SLC2A1: variants seen among roughly 807,000 people sequenced by gnomAD.
The protein encoded by SLC2A1 is solute carrier family 2, facilitated glucose transporter member 1.
SLC2A1 carries 4 observed loss-of-function variants against 46.6 expected under a neutral mutation model. That is an observed-to-expected ratio of 0.09 (90% CI 0.04 to 0.20). The LOEUF (loss-of-function observed/expected upper bound fraction) is 0.20. SLC2A1 is among the 10% of genes least tolerant of loss of function. SLC2A1 has a pLI of 1.00. For synonymous variants in SLC2A1, 253 were observed against 270.0 expected (o/e 0.94, Z 0.62); for missense variants, 352 against 667.0 (o/e 0.53, Z 5.20).
At chr1:42,949,789 TGAGA>T (rs1196288950) in intron 1 of SLC2A1, among the ~76,000 whole-genome samples, 1 of 150,478 alleles carries the variant, frequency 6.6e-6, no homozygotes, top group African/African-American at 2.5e-5. Context: ...AGATGAGAAA[TGAGA>T]GAGAGGGAAA....
In SLC2A1 at chr1:42,929,385, T is replaced by C. The variant is rs1387930918; in HGVS notation, c.868-71A>G. The C allele has an allele frequency of 7.7e-7, 1 of 1,295,108 alleles. No homozygotes were observed. The highest frequency in any genetic ancestry group is 1.1e-6 in the Non-Finnish European group (1 of 908,294). 80.2% of individuals were successfully genotyped at this position (1,295,108 alleles called of 1,614,324 possible). A position where few individuals can be genotyped will look rare whatever the true frequency, so the allele number is the denominator to read the frequency against. On this transcript the variant is annotated intron_variant, in intron 6 of 9. Coordinates refer to ENST00000426263, the MANE Select transcript of SLC2A1 (RefSeq NM_006516.4). The surrounding 1 kb of genome is among the most constrained non-coding windows in gnomAD (Gnocchi z 6.0). ...CCTTCCCTGCCTCTGTAGCAGTGGATGTGGGACCCAGGATGAGTAAAGAAT... is the reference window on the plus strand; with the variant it reads ...CCTTCCCTGCCTCTGTAGCAGTGGACGTGGGACCCAGGATGAGTAAAGAAT...
rs562051616 is a variant in SLC2A1 at position 42,940,587 on chromosome 1, C to A, written c.114+2639G>T. Among the ~76,000 whole-genome samples, 19 of 112,522 alleles carry A rather than the reference C, an allele frequency of 1.7e-4. No individual in the cohort carries two copies. In the East Asian group the frequency reaches 5.0e-3, roughly 30 times the overall value. 73.8% of individuals were successfully genotyped at this position (112,522 alleles called of 152,430 possible). ...TCTAGCAATGGGTTGTTCTCTGGGG[C>A]CTTGATCTTTTACTTTTAATTTTTA... On this transcript the variant is annotated intron_variant, in intron 2 of 9. Transcript: ENST00000426263.
In SLC2A1 at chr1:42,930,566, A is replaced by T; in HGVS notation, c.516+60T>A. The T allele has an allele frequency of 6.2e-7, 1 of 1,606,408 alleles. No individual in the cohort carries two copies. The highest frequency in any genetic ancestry group is 8.5e-7 in the Non-Finnish European group (1 of 1,176,246). On this transcript the variant is annotated intron_variant, in intron 4 of 9. Transcript: ENST00000426263. This position sits in a 1 kb window ranked among gnomAD's most constrained non-coding sequence, Gnocchi z 6.2. The stretch of plus-strand genomic sequence containing the variant: ...CTCTGCCCTGCTGGGCACAGATCCG[A>T]GAGCCACTGAAGCTGTGGGCAGGGG...
intron 1 of SLC2A1, among the ~76,000 whole-genome samples, chr1:42,949,100 G>A (rs1351733426): frequency 2.6e-5 from 4 of 151,704 alleles, no homozygotes; most frequent in Admixed American, 2.0e-4. Context: ...AAAATTAGTG[G>A]GGTGTGGTGG....
intron 1 of SLC2A1, among the ~76,000 whole-genome samples, chr1:42,947,178 T>G (rs182886138): frequency 1.3e-5 from 2 of 152,282 alleles, no homozygotes; most frequent in East Asian, 3.9e-4. Context: ...TTTATTCTGG[T>G]GTCAAGCTGA....
Position 42,926,894 on chromosome 1 carries a change from T to C in SLC2A1, c.*147A>G. The stretch of plus-strand genomic sequence containing the variant: ...GGAGCCGTTAAGTCCTGAATATTCT[T>C]CTGGACATCATTGCTGGCTGGAGAA... On this transcript the variant is annotated 3_prime_UTR_variant, in exon 10 of 10. Transcript: ENST00000426263. 2 of 1,501,010 alleles carry C rather than the reference T, an allele frequency of 1.3e-6. No individual in the cohort carries two copies. The highest frequency in any genetic ancestry group is 1.8e-6 in the Non-Finnish European group (2 of 1,131,576). 93.0% of individuals were successfully genotyped at this position (1,501,010 alleles called of 1,614,324 possible).
rs555350936 is a variant in SLC2A1, at chr1:42,953,716, C to T, written c.18+4918G>A. ...TTGGTACTTGAGCAGAGCTCTGGGC[C>T]GACACCCCGTGACCAGGAGGCACTG... On this transcript the variant is annotated intron_variant, in intron 1 of 9. Coordinates refer to ENST00000426263, the MANE Select transcript of SLC2A1 (RefSeq NM_006516.4). 2.6e-5 allele frequency among the ~76,000 whole-genome samples: 4 copies of T among 152,136 alleles called. 1 individual carries two copies. Among genetic ancestry groups the T allele is most frequent in the Admixed American group, 1.3e-4 (2 of 15,280 alleles).
chr1:42,957,719 C>G (rs116271653), intron 1 of SLC2A1, among the ~76,000 whole-genome samples: 2,249 of 152,280 alleles, frequency 0.015, 65 homozygotes, highest in African/African-American at 0.051. Context: ...GCAGGACAAG[C>G]CCACTTACAC....
intron 8 of SLC2A1, 36 bp downstream of exon 8, chr1:42,928,896 C>G (rs548369746): frequency 6.3e-7 from 1 of 1,581,104 alleles, no homozygotes; most frequent in African/African-American, 1.3e-5. Flanking sequence ...GGCAAACTCT[C>G]CCGCATCCCT....
intron 2 of SLC2A1, among the ~76,000 whole-genome samples, chr1:42,939,575 C>G (rs143210160): frequency 2.8e-4 from 42 of 152,310 alleles, no homozygotes; most frequent in African/African-American, 1.0e-3. Context: ...CAGTTATAAC[C>G]TCTTGCCTAT....
At chr1:42,952,682 G>A (rs764227613) in intron 1 of SLC2A1, 2 of 206,542 alleles carry the variant, frequency 9.7e-6, no homozygotes, top group Non-Finnish European at 2.0e-5. Context: ...GTTATCACAC[G>A]CAGCAGGGAG....
At chr1:42,953,117 G>A (rs1191818618) in intron 1 of SLC2A1, among the ~76,000 whole-genome samples, 1 of 152,232 alleles carries the variant, frequency 6.6e-6, no homozygotes, top group African/African-American at 2.4e-5. Context: ...TGGGCTAGGA[G>A]ACATAGGCAG....
At chr1:42,945,961 A>G (rs1643651106) in intron 1 of SLC2A1, among the ~76,000 whole-genome samples, 1 of 152,236 alleles carries the variant, frequency 6.6e-6, no homozygotes. Context: ...CAATTTAAAT[A>G]AAAACATTAA....
intron 1 of SLC2A1, among the ~76,000 whole-genome samples, chr1:42,945,889 T>A (rs190764637): frequency 6.6e-6 from 1 of 152,306 alleles, no homozygotes; most frequent in Non-Finnish European, 1.5e-5. Context: ...ATGGTGTGAA[T>A]GGAATCACCT....
chr1:42,934,815 A>G (rs1209415202), intron 2 of SLC2A1, among the ~76,000 whole-genome samples: 4 of 151,898 alleles, frequency 2.6e-5, no homozygotes, highest in Non-Finnish European at 5.9e-5. Context: ...CCACCACCCC[A>G]CATCCATCCA....
Position 42,927,754 on chromosome 1 carries a change from C to G in SLC2A1, c.1129G>C (p.Ala377Pro). Residue 377 changes from alanine to proline, a missense_variant, in exon 9 of 10, where the codon GCC (alanine) becomes CCC (proline). This residue lies in a region of SLC2A1 where 35 missense variants were observed against 107.2 expected (regional missense o/e 0.33). Transcript: ENST00000426263. The surrounding 1 kb of genome is among the most constrained non-coding windows in gnomAD (Gnocchi z 5.3). ...LSIVAIFGFVAFFEVGPGPIP... is the reference protein window; with the variant it reads ...LSIVAIFGFVPFFEVGPGPIP... ...GGGCCAGGACCCACTTCAAAGAAGG[C>G]CACAAAGCCAAAGATGGCCACGATG... 6.2e-7 allele frequency: 1 copy of G among 1,614,020 alleles called. No homozygotes were observed. Among genetic ancestry groups the G allele is most frequent in the Non-Finnish European group, 8.5e-7 (1 of 1,179,976 alleles).
intron 1 of SLC2A1, 38 bp from the exon 2 acceptor site, chr1:42,943,359 G>T: frequency 1.3e-6 from 2 of 1,500,068 alleles, no homozygotes; most frequent in African/African-American, 1.4e-5. Flanking sequence ...AGGCGTGTCT[G>T]GGAGCAGGTT....
rs185378945 is a variant in SLC2A1 at position 42,933,236 on chromosome 1, C to T, written c.115-2030G>A. On this transcript the variant is annotated intron_variant, in intron 2 of 9. Coordinates refer to ENST00000426263, the MANE Select transcript of SLC2A1 (RefSeq NM_006516.4). Reference sequence around the variant, plus strand: ...ACAGAGTCTCCCCAAGCCTTCAACCCGTAACTCAAAATCGGGGCTCCTGCC... The same window carrying T: ...ACAGAGTCTCCCCAAGCCTTCAACCTGTAACTCAAAATCGGGGCTCCTGCC... 1.6e-4 allele frequency among the ~76,000 whole-genome samples: 25 copies of T among 152,266 alleles called. No individual in the cohort carries two copies. The East Asian group carries it at 3.3e-3, about 20-fold the overall frequency.
chr1:42,929,483 ACTT>A lies in SLC2A1; in HGVS notation c.867+107_867+109del, dbSNP rs753446367. ...TTACGGGCTTGGGGTCTAAAGGGAA[ACTT>A]CTTCGGCAGAGGCGTATCTGTTGTT... On this transcript the variant is annotated intron_variant, in intron 6 of 9. Coordinates refer to ENST00000426263, the MANE Select transcript of SLC2A1 (RefSeq NM_006516.4). The surrounding 1 kb of genome is among the most constrained non-coding windows in gnomAD (Gnocchi z 6.0). 5 of 1,238,890 alleles carry A rather than the reference ACTT, an allele frequency of 4.0e-6. No homozygotes were observed. The highest frequency in any genetic ancestry group is 5.9e-6 in the Non-Finnish European group (5 of 847,574). The allele number at this position is 1,238,890 out of a possible 1,614,324, so 76.7% of individuals were successfully genotyped here.
Sources: allele counts gnomAD v4.1 joint callset (sites outside exome capture counted in the v4.1 genomes callset), GRCh38; gene constraint gnomAD v4.1.1; regional missense constraint gnomAD v4.1.1; non-coding constraint Gnocchi (gnomAD v3.1); transcripts MANE v1.5; gene names NCBI Gene and HGNC (gene_info 2026-07-23, HGNC 2026-07-21).